FABP12: variants seen among roughly 807,000 people sequenced by gnomAD.
The protein encoded by FABP12 is fatty acid-binding protein 12.
A neutral mutation model predicts 13.7 loss-of-function variants in FABP12; 19 were observed. That is an observed-to-expected ratio of 1.39 (90% CI 0.97 to 2.04). The LOEUF is 2.04. FABP12 is among the 30% of genes most tolerant of loss of function. FABP12 has a pLI of 0.00. For missense variants in FABP12, 182 were observed against 164.2 expected (o/e 1.11, Z -0.59); for synonymous variants, 61 against 57.0 (o/e 1.07, Z -0.32).
At chr8:81,538,977 T>G (rs1404979273) in intron 2 of FABP12, among the ~76,000 whole-genome samples, 1 of 152,132 alleles carries the variant, frequency 6.6e-6, no homozygotes, top group Non-Finnish European at 1.5e-5. Context: ...ACCTCCCAAG[T>G]AGCTGGGATT....
intron 1 of FABP12, among the ~76,000 whole-genome samples, chr8:81,544,972 C>T (rs376542064): frequency 1.3e-5 from 2 of 152,126 alleles, no homozygotes; most frequent in South Asian, 2.1e-4. Context: ...TGGCCAATGG[C>T]GTAGAGGCCA....
chr8:81,534,025 A>G (rs1406616353), upstream of FABP12, among the ~76,000 whole-genome samples: 1 of 152,130 alleles, frequency 6.6e-6, no homozygotes, highest in Non-Finnish European at 1.5e-5. Flanking sequence ...TAGGTGTATA[A>G]GTCTCTGTTA....
At chr8:81,580,062 A>T (rs1190049561) in intron 1 of FABP12, among the ~76,000 whole-genome samples, 1 of 152,206 alleles carries the variant, frequency 6.6e-6, no homozygotes, top group Non-Finnish European at 1.5e-5. Context: ...GAAAAGCGTG[A>T]CAATTGTCCC....
intron 1 of FABP12, among the ~76,000 whole-genome samples, chr8:81,553,239 C>G (rs928529516): frequency 3.9e-5 from 6 of 152,136 alleles, no homozygotes; most frequent in African/African-American, 9.7e-5. Flanking sequence ...CTTCCAGGAG[C>G]TCTTATTTTA....
At chr8:81,539,891 C>T (rs1420224311) in intron 1 of FABP12, among the ~76,000 whole-genome samples, 2 of 152,214 alleles carry the variant, frequency 1.3e-5, no homozygotes, top group Non-Finnish European at 2.9e-5. Context: ...GCACTTGCCC[C>T]CAGGCTCTCG....
chr8:81,528,982 C>T (rs918815450), intron 3 of FABP12, among the ~76,000 whole-genome samples: 2 of 152,076 alleles, frequency 1.3e-5, no homozygotes, highest in Non-Finnish European at 2.9e-5. Context: ...TACGTATGTA[C>T]TATAAGTTAG....
At chr8:81,567,560 G>T (rs574087327) in intron 1 of FABP12, among the ~76,000 whole-genome samples, 1 of 152,174 alleles carries the variant, frequency 6.6e-6, no homozygotes, top group Non-Finnish European at 1.5e-5. Context: ...TTGGAGAAAA[G>T]ACAGTCTCTT....
At chr8:81,559,550 C>T (rs533148249) in intron 1 of FABP12, among the ~76,000 whole-genome samples, 154 of 152,282 alleles carry the variant, frequency 1.0e-3, no homozygotes, top group African/African-American at 3.7e-3. Context: ...TCTGCCTTGC[C>T]ACGTAGCTTC....
chr8:81,556,733 TATA>T (rs200609421), intron 1 of FABP12, among the ~76,000 whole-genome samples: 2,391 of 147,642 alleles, frequency 0.016, 74 homozygotes, highest in African/African-American at 0.056. Flanking sequence ...TATAAAAATA[TATA>T]ATTATTATTT....
intron 1 of FABP12, among the ~76,000 whole-genome samples, chr8:81,568,129 C>CAAA (rs751713921): frequency 5.2e-4 from 52 of 99,480 alleles, no homozygotes; most frequent in East Asian, 1.0e-3. Flanking sequence ...GACTCCGTCT[C>CAAA]AAAAAAAAAA....
At chr8:81,576,964 C>T (rs1280146949) in intron 1 of FABP12, among the ~76,000 whole-genome samples, 1 of 152,214 alleles carries the variant, frequency 6.6e-6, no homozygotes, top group African/African-American at 2.4e-5. Flanking sequence ...AAAAGGGTCA[C>T]ATGGCCATAT....
chr8:81,571,598 C>T (rs1318235980), intron 1 of FABP12, among the ~76,000 whole-genome samples: 2 of 152,288 alleles, frequency 1.3e-5, no homozygotes, highest in Admixed American at 1.3e-4. Context: ...TTTTTATAGA[C>T]GAAGAAACTA....
At chr8:81,589,065 T>A (rs1585863457) in intron 1 of FABP12, among the ~76,000 whole-genome samples, 1 of 152,234 alleles carries the variant, frequency 6.6e-6, no homozygotes, top group African/African-American at 2.4e-5. Context: ...GATATATTTA[T>A]GCCTTTCAAG....
At chr8:81,541,860 C>T (rs954091504) in intron 1 of FABP12, among the ~76,000 whole-genome samples, 1 of 147,362 alleles carries the variant, frequency 6.8e-6, no homozygotes, top group Non-Finnish European at 1.5e-5. Context: ...GAAATACTTC[C>T]CAATCAACAG....
chr8:81,541,430 A>G (rs1563546875), intron 1 of FABP12, among the ~76,000 whole-genome samples: 1 of 152,130 alleles, frequency 6.6e-6, no homozygotes, highest in Non-Finnish European at 1.5e-5. Context: ...CCTGAAATAC[A>G]TATCAGTTTC....
chr8:81,530,334 T>C (rs1809033970), intron 2 of FABP12, among the ~76,000 whole-genome samples: 1 of 152,184 alleles, frequency 6.6e-6, no homozygotes, highest in African/African-American at 2.4e-5. Flanking sequence ...GTACATAATA[T>C]TCCACAGTGT....
Position 81,565,607 on chromosome 8 carries a change from T to TA in FABP12, c.-185+24445dup, listed in dbSNP as rs796619163. 1.5e-3 allele frequency among the ~76,000 whole-genome samples: 225 copies of TA among 151,706 alleles called. 1 individual carries two copies. The highest frequency in any genetic ancestry group is 5.2e-3 in the African/African-American group (213 of 41,282). On this transcript the variant is annotated intron_variant, in intron 1 of 5. Coordinates refer to the FABP12 transcript ENST00000692030. The stretch of plus-strand genomic sequence containing the variant: ...TCAATGAAAAAATTAAGAAAAAAAT[T>TA]AAAAAATGTCTTCAAACAAATGATA...
At chr8:81,572,721 CAT>C (rs1457119201) in intron 1 of FABP12, among the ~76,000 whole-genome samples, 1 of 152,122 alleles carries the variant, frequency 6.6e-6, no homozygotes, top group African/African-American at 2.4e-5. Context: ...AGCGTTTTTT[CAT>C]ATGTTTATTG....
chr8:81,558,300 A>T, intron 1 of FABP12, among the ~76,000 whole-genome samples: 1 of 152,172 alleles, frequency 6.6e-6, no homozygotes, highest in Admixed American at 6.5e-5. Context: ...TGGACCTAAG[A>T]GGGTGCATTG....
Sources: allele counts gnomAD v4.1 joint callset (sites outside exome capture counted in the v4.1 genomes callset), GRCh38; gene constraint gnomAD v4.1.1; transcripts MANE v1.5; gene names NCBI Gene and HGNC (gene_info 2026-07-23, HGNC 2026-07-21).